The following RAB20 variants were observed in gnomAD, a reference collection of about 807,000 sequenced individuals.
RAB20 encodes the protein RAB20, member RAS oncogene family, also known as ras-related protein Rab-20.
In RAB20, 2 loss-of-function variants were observed where a neutral mutation model predicts 3.7. The ratio of observed to expected loss-of-function variants is 0.54; its 90% CI spans 0.22 to 1.69. The LOEUF is 1.69. RAB20 is among the 40% of genes most tolerant of loss of function. The probability of loss-of-function intolerance (pLI) is 0.19; values close to 1 mark genes in which losing one functional copy is unlikely to be tolerated. For missense variants in RAB20, 276 were observed against 311.9 expected, an observed-to-expected ratio of 0.88 and a Z score of 0.87; for synonymous variants, 126 against 130.8, an observed-to-expected ratio of 0.96 and a Z score of 0.25.
intron 1 of RAB20, among the ~76,000 whole-genome samples, chr13:110,547,017 G>A (rs542370955): frequency 1.3e-5 from 2 of 152,258 alleles, no homozygotes; most frequent in African/African-American, 4.8e-5. Flanking sequence ...TGGGATTACA[G>A]GCGTGAGTCA....
At chr13:110,545,440 A>C (rs1049658341) in intron 1 of RAB20, among the ~76,000 whole-genome samples, 5 of 152,212 alleles carry the variant, frequency 3.3e-5, no homozygotes, top group Non-Finnish European at 7.3e-5. Flanking sequence ...CGTATTGTGA[A>C]TGCTCTTTGT....
chr13:110,558,607 C>G (rs1212099727), intron 1 of RAB20, among the ~76,000 whole-genome samples: 1 of 151,664 alleles, frequency 6.6e-6, no homozygotes, highest in Non-Finnish European at 1.5e-5. Flanking sequence ...GTCTTGAACT[C>G]CTGACCTTAG....
At position 110,529,454 on chromosome 13, in the gene RAB20, C is replaced by T. The variant is rs554559344; in HGVS notation, c.173-5257G>A. On this transcript the variant is annotated intron_variant, in intron 1 of 1. Transcript: ENST00000267328. Reference sequence around the variant, plus strand: ...CCCCCAGACCGGAGTCCGTCAGTACCAATCGTGAAGCCAAAGCACTGAGAG... The same window carrying T: ...CCCCCAGACCGGAGTCCGTCAGTACTAATCGTGAAGCCAAAGCACTGAGAG... Among the ~76,000 whole-genome samples the T allele has an allele frequency of 7.2e-5, 11 of 152,278 alleles. No individual in the cohort carries two copies. In the South Asian group the frequency reaches 2.3e-3, roughly 32 times the overall value.
intron 1 of RAB20, among the ~76,000 whole-genome samples, chr13:110,543,692 A>G (rs1884803875): frequency 6.6e-6 from 1 of 151,764 alleles, no homozygotes; most frequent in Non-Finnish European, 1.5e-5. Context: ...CCAGACCAAT[A>G]CTGCAAAGCT....
intron 1 of RAB20, among the ~76,000 whole-genome samples, chr13:110,525,779 G>T (rs1256132846): frequency 1.3e-5 from 2 of 152,236 alleles, no homozygotes; most frequent in African/African-American, 2.4e-5. Flanking sequence ...CTGCCGCACT[G>T]GGGGGACGAG....
At chr13:110,558,628 C>T (rs564565410) in intron 1 of RAB20, among the ~76,000 whole-genome samples, 8 of 151,636 alleles carry the variant, frequency 5.3e-5, no homozygotes, top group South Asian at 2.1e-4. Context: ...GTGATCTGCC[C>T]GCCTCACCCT....
chr13:110,533,158 A>G (rs914344657), intron 1 of RAB20, among the ~76,000 whole-genome samples: 2 of 152,244 alleles, frequency 1.3e-5, no homozygotes, highest in African/African-American at 4.8e-5. Flanking sequence ...CGCAGCCTAG[A>G]GGAGCTGTGA....
In RAB20 at chr13:110,561,641, T is replaced by G; in HGVS notation, c.-122A>C. The G allele has an allele frequency of 7.0e-7, 1 of 1,420,080 alleles. No individual in the cohort carries two copies. Among genetic ancestry groups the G allele is most frequent in the Non-Finnish European group, 9.2e-7 (1 of 1,084,978 alleles). 88.0% of individuals were successfully genotyped at this position (1,420,080 alleles called of 1,614,324 possible). A position where few individuals can be genotyped will look rare whatever the true frequency, so the allele number is the denominator to read the frequency against. ...CCGGGACCCGGATTCTCGTGAACGCTCCGGGACCTTCGCCTCCGGACGCCC... is the reference window on the plus strand; with the variant it reads ...CCGGGACCCGGATTCTCGTGAACGCGCCGGGACCTTCGCCTCCGGACGCCC... On this transcript the variant is annotated 5_prime_UTR_variant, in exon 1 of 2. Coordinates refer to ENST00000267328, the MANE Select transcript of RAB20 (RefSeq NM_017817.3).
rs11620429 is a variant in RAB20 at position 110,527,944 on chromosome 13, T to G, written c.173-3747A>C. Among the ~76,000 whole-genome samples the G allele has an allele frequency of 2.4e-3, 253 of 106,154 alleles. 1 individual carries two copies. Among genetic ancestry groups the G allele is most frequent in the Admixed American group, 4.8e-3 (55 of 11,528 alleles). 69.6% of individuals were successfully genotyped at this position (106,154 alleles called of 152,430 possible). ...ACACACACACACACACACACACACA[T>G]ACACTTTAATTAGCCAGGCATGGTG... is the stretch of plus-strand genomic sequence containing the variant. On this transcript the variant is annotated intron_variant, in intron 1 of 1. Coordinates refer to ENST00000267328, the MANE Select transcript of RAB20 (RefSeq NM_017817.3).
chr13:110,535,112 G>T (rs1884618311), intron 1 of RAB20, among the ~76,000 whole-genome samples: 1 of 152,218 alleles, frequency 6.6e-6, no homozygotes, highest in East Asian at 1.9e-4. Context: ...GGGATTACAG[G>T]CCTGAGCCAC....
intron 1 of RAB20, among the ~76,000 whole-genome samples, chr13:110,530,615 C>G (rs1472135878): frequency 8.5e-5 from 6 of 70,722 alleles, no homozygotes; most frequent in African/African-American, 4.1e-4. Flanking sequence ...CCCACCTCTA[C>G]AGACACAGGA....
chr13:110,533,802 A>C (rs1884590713), intron 1 of RAB20, among the ~76,000 whole-genome samples: 1 of 152,244 alleles, frequency 6.6e-6, no homozygotes. Context: ...TTAGTGCAGT[A>C]AGGAAGGCCC....
At chr13:110,550,622 T>TG (rs1884937349) in intron 1 of RAB20, among the ~76,000 whole-genome samples, 1 of 152,218 alleles carries the variant, frequency 6.6e-6, no homozygotes, top group Non-Finnish European at 1.5e-5. Flanking sequence ...CAATGATGGC[T>TG]GTGGCGCTGT....
chr13:110,533,501 A>G (rs1884583240), intron 1 of RAB20, among the ~76,000 whole-genome samples: 1 of 150,008 alleles, frequency 6.7e-6, no homozygotes, highest in African/African-American at 2.5e-5. Flanking sequence ...TGGGTGACAC[A>G]GTGAGTCCCT....
rs143774301 is a variant in RAB20, at chr13:110,547,624, C to T, written c.172+13724G>A. Among the ~76,000 whole-genome samples, 23 of 152,302 alleles carry T rather than the reference C, an allele frequency of 1.5e-4. 1 individual carries two copies. Among genetic ancestry groups the T allele is most frequent in the Admixed American group, 1.4e-3 (22 of 15,296 alleles). ...TGGTGAGATTAAGTGCATAAATCCT[C>T]GGACAGGTCTGCCCAGATCAGATCC... is the stretch of plus-strand genomic sequence containing the variant. On this transcript the variant is annotated intron_variant, in intron 1 of 1. Transcript: ENST00000267328.
intron 1 of RAB20, among the ~76,000 whole-genome samples, chr13:110,540,120 C>G (rs376608486): frequency 4.7e-4 from 72 of 152,318 alleles, no homozygotes; most frequent in African/African-American, 1.7e-3. Flanking sequence ...AATGACAAAA[C>G]CAAATTACTC....
At chr13:110,557,452 G>A (rs1017052212) in intron 1 of RAB20, among the ~76,000 whole-genome samples, 5 of 152,204 alleles carry the variant, frequency 3.3e-5, no homozygotes, top group South Asian at 2.1e-4. Context: ...CCCACCATCC[G>A]GAACGCCTGT....
At position 110,523,486 on chromosome 13, in the gene RAB20, G is replaced by T; in HGVS notation, c.*179C>A. On this transcript the variant is annotated 3_prime_UTR_variant, in exon 2 of 2. Transcript: ENST00000267328. Reference sequence around the variant, plus strand: ...TCCCCACCCCTCTGACAGAGACTGAGGAGACCACACACGTTGACCTCCTCT... The same window carrying T: ...TCCCCACCCCTCTGACAGAGACTGATGAGACCACACACGTTGACCTCCTCT... 1 of 1,186,902 alleles carries T rather than the reference G, an allele frequency of 8.4e-7. No homozygotes were observed. The highest frequency in any genetic ancestry group is 1.1e-6 in the Non-Finnish European group (1 of 871,962). The allele number at this position is 1,186,902 out of a possible 1,614,324, so 73.5% of individuals were successfully genotyped here.
chr13:110,552,545 T>G (rs1884971193), intron 1 of RAB20, among the ~76,000 whole-genome samples: 1 of 150,696 alleles, frequency 6.6e-6, no homozygotes, highest in African/African-American at 2.4e-5. Context: ...TACAAAAAAT[T>G]AGCTGGGCGC....
Sources: allele counts gnomAD v4.1 joint callset (sites outside exome capture counted in the v4.1 genomes callset), GRCh38; gene constraint gnomAD v4.1.1; transcripts MANE v1.5; gene names NCBI Gene and HGNC (gene_info 2026-07-23, HGNC 2026-07-21).